NELL1: variants seen among roughly 807,000 people sequenced by gnomAD.
NELL1 encodes the protein protein kinase C-binding protein NELL1.
Under a neutral mutation model 107.4 loss-of-function variants are expected in NELL1, and 76 were observed. The ratio of observed to expected loss-of-function variants is 0.71; its 90% confidence interval spans 0.59 to 0.86. NELL1 has a LOEUF of 0.86. NELL1 is among the 40% of genes least tolerant of loss of function. The pLI is 0.00. For synonymous variants in NELL1, 353 were observed against 341.2 expected (o/e 1.03, Z -0.38); for missense variants, 1,024 against 1,005.5 (o/e 1.02, Z -0.25).
chr11:21,094,529 G>A (rs1397845663), intron 12 of NELL1, among the ~76,000 whole-genome samples: 1 of 152,238 alleles, frequency 6.6e-6, no homozygotes, highest in Non-Finnish European at 1.5e-5. Flanking sequence ...CGCCCTAGCA[G>A]AGGCTCTCCA....
rs768645143 is a variant in NELL1, at chr11:20,928,391, A to C, written c.909A>C (p.Glu303Asp). The C allele has an allele frequency of 1.9e-6, 3 of 1,613,800 alleles. No homozygotes were observed. The African/African-American group carries it at 4.0e-5, about 22-fold the overall frequency. ...RNCTCKSGAV[E>D]CRRMSCPPLN... is the part of the protein sequence containing the mutation. Reference sequence around the variant, plus strand: ...TCCTTCCTCAGAGTGGTGCCGTGGAATGCCGAAGGATGTCCTGTCCCCCTC... The same window carrying C: ...TCCTTCCTCAGAGTGGTGCCGTGGACTGCCGAAGGATGTCCTGTCCCCCTC... The change falls in exon 9 of 20, where the codon GAA (glutamate) becomes GAC (aspartate). Residue 303 changes from glutamate to aspartate, a missense_variant. By Grantham distance (45) the Glu-to-Asp change is conservative. Coordinates refer to ENST00000357134, the MANE Select transcript of NELL1 (RefSeq NM_006157.5).
At chr11:21,132,954 A>G (rs1855658335) in intron 13 of NELL1, among the ~76,000 whole-genome samples, 1 of 152,140 alleles carries the variant, frequency 6.6e-6, no homozygotes, top group African/African-American at 2.4e-5. Context: ...GAGTGACAGA[A>G]CAGCTCTCAG....
chr11:21,177,816 G>T (rs1254370989), intron 13 of NELL1, among the ~76,000 whole-genome samples: 1 of 151,684 alleles, frequency 6.6e-6, no homozygotes, highest in East Asian at 1.9e-4. Context: ...GTTCTAACAG[G>T]TGTGAGGTAA....
intron 3 of NELL1, among the ~76,000 whole-genome samples, chr11:20,785,396 T>C (rs1483316314): frequency 6.6e-6 from 1 of 152,258 alleles, no homozygotes; most frequent in Admixed American, 6.5e-5. Context: ...GTGTTCTGTA[T>C]GCTGGAGAAA....
chr11:21,149,230 T>C (rs1414236013), intron 13 of NELL1, among the ~76,000 whole-genome samples: 1 of 152,204 alleles, frequency 6.6e-6, no homozygotes, highest in Non-Finnish European at 1.5e-5. Context: ...CCCCTCTAAC[T>C]GTATCATGTA....
At chr11:21,422,044 T>G (rs1852687071) in intron 15 of NELL1, among the ~76,000 whole-genome samples, 1 of 152,070 alleles carries the variant, frequency 6.6e-6, no homozygotes, top group Admixed American at 6.6e-5. Flanking sequence ...ATTCACTGTC[T>G]GGAAAAAACC....
At chr11:21,420,970 A>G (rs1251608961) in intron 15 of NELL1, among the ~76,000 whole-genome samples, 1 of 152,156 alleles carries the variant, frequency 6.6e-6, no homozygotes, top group Non-Finnish European at 1.5e-5. Flanking sequence ...TAAAGGCTAC[A>G]AGATAAATGA....
chr11:21,175,445 A>C (rs1031565018), intron 13 of NELL1, among the ~76,000 whole-genome samples: 1 of 151,884 alleles, frequency 6.6e-6, no homozygotes, highest in Non-Finnish European at 1.5e-5. Flanking sequence ...AGCATACTTA[A>C]TCACTGTAAA....
In NELL1 at chr11:20,885,447, T is replaced by G. The variant is rs781353238; in HGVS notation, c.510T>G (p.Ile170Met). 1 of 1,605,750 alleles carries G rather than the reference T, an allele frequency of 6.2e-7. No homozygotes were observed. The highest frequency in any genetic ancestry group is 8.5e-7 in the Non-Finnish European group (1 of 1,172,356). The change falls in exon 5 of 20, where the codon ATT becomes ATG. Residue 170 changes from isoleucine (I) to methionine (M), a missense_variant. Coordinates refer to ENST00000357134, the MANE Select transcript of NELL1 (RefSeq NM_006157.5). ...HLLLHVDCNR[I>M]YERVIDPPDT... ...ACTGTGTTCTTTGCCTTTACAGGAT[T>G]TATGAGCGTGTGATAGACCCTCCAG...
At chr11:21,257,976 A>G (rs375739661) in intron 14 of NELL1, among the ~76,000 whole-genome samples, 3 of 152,002 alleles carry the variant, frequency 2.0e-5, no homozygotes, top group East Asian at 3.9e-4. Flanking sequence ...CAACGTGGGG[A>G]AGAGGGAGAC....
chr11:21,020,171 G>A (rs762848591), intron 12 of NELL1, among the ~76,000 whole-genome samples: 25 of 152,184 alleles, frequency 1.6e-4, no homozygotes, highest in South Asian at 1.0e-3. Context: ...ACCTTGAATG[G>A]TACTTGGCAC....
At chr11:20,919,987 C>T (rs765759483) in intron 7 of NELL1, among the ~76,000 whole-genome samples, 10 of 152,112 alleles carry the variant, frequency 6.6e-5, no homozygotes, top group Non-Finnish European at 1.5e-4. Flanking sequence ...GACACGCTTT[C>T]TACCCTAGAT....
intron 12 of NELL1, among the ~76,000 whole-genome samples, chr11:21,091,559 C>G (rs1170135613): frequency 6.6e-6 from 1 of 152,102 alleles, no homozygotes; most frequent in Non-Finnish European, 1.5e-5. Context: ...CACCATGCTT[C>G]TAATTTTGAT....
At chr11:21,095,334 T>C (rs1248604971) in intron 12 of NELL1, among the ~76,000 whole-genome samples, 1 of 152,186 alleles carries the variant, frequency 6.6e-6, no homozygotes, top group Non-Finnish European at 1.5e-5. Context: ...TTCTGACCTT[T>C]CTACATTTTC....
chr11:21,570,984 A>C, intron 18 of NELL1, 44 bp downstream of exon 18: 1 of 1,568,474 alleles, frequency 6.4e-7, no homozygotes, highest in Non-Finnish European at 8.7e-7. Context: ...TTACTCTGAA[A>C]GAGGTTACAA....
At chr11:21,065,585 G>C (rs1380455142) in intron 12 of NELL1, among the ~76,000 whole-genome samples, 1 of 152,128 alleles carries the variant, frequency 6.6e-6, no homozygotes, top group Non-Finnish European at 1.5e-5. Flanking sequence ...CCTGGCATTG[G>C]ATTGCATGCG....
chr11:21,250,359 G>A (rs141747841), intron 14 of NELL1, among the ~76,000 whole-genome samples: 133 of 152,194 alleles, frequency 8.7e-4, no homozygotes, highest in African/African-American at 3.0e-3. Flanking sequence ...CACTCCACTC[G>A]GGGGCCTTTC....
At chr11:20,764,381 G>A (rs79787930) in intron 2 of NELL1, among the ~76,000 whole-genome samples, 1,704 of 152,114 alleles carry the variant, frequency 0.011, 34 homozygotes, top group African/African-American at 0.039. Context: ...CTATGGCACT[G>A]TGGACTTGGT....
chr11:20,904,462 G>A (rs1306439487), intron 5 of NELL1, among the ~76,000 whole-genome samples: 3 of 152,106 alleles, frequency 2.0e-5, no homozygotes, highest in Non-Finnish European at 2.9e-5. Context: ...AACACCATGT[G>A]TCTGCCTGGG....
Sources: allele counts gnomAD v4.1 joint callset (sites outside exome capture counted in the v4.1 genomes callset), GRCh38; gene constraint gnomAD v4.1.1; transcripts MANE v1.5; gene names NCBI Gene and HGNC (gene_info 2026-07-23, HGNC 2026-07-21).